SI: variants seen among roughly 807,000 people sequenced by gnomAD.
SI encodes the protein sucrase-isomaltase, also known as sucrase-isomaltase, intestinal.
In SI, 235 loss-of-function variants were observed where a neutral mutation model predicts 253.3. The observed-to-expected ratio is 0.93, with a 90% confidence interval of 0.83 to 1.03. The LOEUF (loss-of-function observed/expected upper bound fraction) is 1.03, where lower values mean the gene tolerates loss of function less well. Ranked by LOEUF, SI falls within the 50% of genes least tolerant of loss-of-function variation. The pLI, the probability that SI is intolerant of heterozygous loss-of-function variation, is 0.00. For synonymous variants in SI, 819 were observed against 712.0 expected (o/e 1.15, Z -2.39); for missense variants, 2,442 against 2,211.1 (o/e 1.10, Z -2.09).
upstream of SI, among the ~76,000 whole-genome samples, chr3:165,080,894 T>C (rs1461004578): frequency 6.6e-6 from 1 of 151,758 alleles, no homozygotes; most frequent in Non-Finnish European, 1.5e-5. Context: ...GAACTTAAAG[T>C]ATAATTTAAA....
intron 9 of SI, 70 bp downstream of exon 9, chr3:165,062,301 A>G (rs1714024411): frequency 1.3e-6 from 1 of 791,258 alleles, no homozygotes; most frequent in African/African-American, 1.7e-5. Flanking sequence ...AAAGTCATCT[A>G]AATATGTGGT....
rs752602017 is a variant in SI at position 165,059,150 on chromosome 3, G to T, written c.1278+18C>A. The T allele has an allele frequency of 1.2e-6, 2 of 1,611,766 alleles. No homozygotes were observed. Among genetic ancestry groups the T allele is most frequent in the South Asian group, 2.2e-5 (2 of 90,996 alleles). On this transcript the variant is annotated intron_variant, in intron 11 of 47. Coordinates refer to ENST00000264382, the MANE Select transcript of SI (RefSeq NM_001041.4). ...CGTGTAAACACTAAAAATGTATTAA[G>T]GTATAATTGATTATTACCAAGATGA...
In SI at chr3:165,038,026, TA is replaced by T; in HGVS notation, c.2302-3del. On this transcript the variant is annotated splice_region_variant and splice_polypyrimidine_tract_variant and intron_variant, in intron 20 of 47. Transcript: ENST00000264382. ...TTTCCTCCATGGCCTTTTTGCACCC[TA>T]ATAATTGGAAGATTAAAAACATTCT... 6.3e-7 allele frequency: 1 copy of T among 1,580,288 alleles called. No individual in the cohort carries two copies. The highest frequency in any genetic ancestry group is 1.3e-5 in the African/African-American group (1 of 74,304).
chr3:165,058,969 A>C lies in SI; in HGVS notation c.1392T>G (p.Ile464Met). 6.2e-7 allele frequency: 1 copy of C among 1,610,744 alleles called. No homozygotes were observed. Among genetic ancestry groups the C allele is most frequent in the Non-Finnish European group, 8.5e-7 (1 of 1,177,596 alleles). The part of the protein sequence containing the change: ...INESDGSTPI[I>M]GEVWPGLTVY... The stretch of plus-strand genomic sequence containing the variant: ...AATAAATATCATATTTTACCTCTCC[A>C]ATAATTGGTGTACTTCCATCTGACT... The change falls in exon 12 of 48, where the codon ATT becomes ATG. Residue 464 changes from isoleucine (I) to methionine (M), a missense_variant. Ile to Met is a conservative substitution (Grantham distance 10, BLOSUM62 1). Transcript: ENST00000264382.
intron 7 of SI, among the ~76,000 whole-genome samples, chr3:165,064,011 A>G (rs1231766927): frequency 6.6e-6 from 1 of 151,464 alleles, no homozygotes; most frequent in African/African-American, 2.4e-5. Context: ...CGGAGGTCGC[A>G]GTGATTTGAG....
chr3:165,008,029 A>C, intron 35 of SI, 31 bp from the exon 36 acceptor site: 1 of 1,172,362 alleles, frequency 8.5e-7, no homozygotes, highest in Non-Finnish European at 1.3e-6. Context: ...AAAGGTAAAC[A>C]AAAGATAAAT....
intron 6 of SI, among the ~76,000 whole-genome samples, 170 bp from the exon 7 acceptor site, chr3:165,065,602 T>A (rs967686084): frequency 6.7e-6 from 1 of 150,128 alleles, no homozygotes; most frequent in Non-Finnish European, 1.5e-5. Flanking sequence ...AATTACCCCA[T>A]AAAAGAAATT....
Position 165,033,449 on chromosome 3 carries a change from A to G in SI, c.2516-5T>C. The G allele has an allele frequency of 2.6e-6, 4 of 1,535,120 alleles. No individual in the cohort carries two copies. Among genetic ancestry groups the G allele is most frequent in the Non-Finnish European group, 3.5e-6 (4 of 1,136,702 alleles). On this transcript the variant is annotated splice_region_variant and splice_polypyrimidine_tract_variant and intron_variant, in intron 22 of 47. Transcript: ENST00000264382. The stretch of plus-strand genomic sequence containing the variant: ...AGTTGCCATTTTGTATTGTATCTGA[A>G]ATGAAAAATATCGTGATCAGTACAA...
chr3:165,084,572 T>C, the SI span, among the ~76,000 whole-genome samples: 1 of 151,952 alleles, frequency 6.6e-6, no homozygotes, highest in Non-Finnish European at 1.5e-5. Context: ...AAAATGAATG[T>C]CTGAGAATAT....
chr3:164,991,604 T>G (rs1449956306), intron 43 of SI, 127 bp from the exon 44 acceptor site: 15 of 1,007,952 alleles, frequency 1.5e-5, no homozygotes, highest in Non-Finnish European at 2.1e-5. Context: ...TTCACATTTA[T>G]TCAGAAAATC....
At chr3:165,065,209 CATCTGCTGCAAT>C in intron 7 of SI, 40 bp downstream of exon 7, 3 of 1,157,610 alleles carry the variant, frequency 2.6e-6, no homozygotes, top group Non-Finnish European at 3.9e-6. Flanking sequence ...CTAAGATTTT[CATCTGCTGCAAT>C]ATAGTGATTT....
At chr3:165,033,298 C>A in intron 23 of SI, 97 bp downstream of exon 23, 2 of 1,050,954 alleles carry the variant, frequency 1.9e-6, no homozygotes, top group Non-Finnish European at 2.6e-6. Context: ...AATCTGTAGG[C>A]AAATGTAAAC....
chr3:165,061,859 T>G (rs1482438164), intron 9 of SI, among the ~76,000 whole-genome samples: 1 of 151,962 alleles, frequency 6.6e-6, no homozygotes, highest in East Asian at 1.9e-4. Context: ...GATGTAAAGT[T>G]TCAGGCTAGG....
chr3:164,980,045 G>C (rs1031612049), intron 47 of SI, among the ~76,000 whole-genome samples: 1 of 151,678 alleles, frequency 6.6e-6, no homozygotes, highest in East Asian at 1.9e-4. Flanking sequence ...CTTTACCATT[G>C]CTCCTTTTTG....
At chr3:165,081,922 C>T (rs1715341550), upstream of SI, among the ~76,000 whole-genome samples, 1 of 151,940 alleles carries the variant, frequency 6.6e-6, no homozygotes, top group Non-Finnish European at 1.5e-5. Context: ...ATTGGAAAGA[C>T]CGATGGAGAG....
At position 165,017,627 on chromosome 3, in the gene SI, T is replaced by C. The variant is rs1216531324; in HGVS notation, c.3680A>G (p.Gln1227Arg). 1.2e-6 allele frequency: 2 copies of C among 1,612,848 alleles called. No individual in the cohort carries two copies. Among genetic ancestry groups the C allele is most frequent in the Non-Finnish European group, 1.7e-6 (2 of 1,179,140 alleles). ...VMPAYWALGF[Q>R]LCRYGYANTS... ...ATTTGCATATCCATAACGACATAAT[T>C]GGAATCCCAAAGCCCAATAAGCTGG... Residue 1227 changes from glutamine (Q) to arginine (R), a missense_variant, in exon 31 of 48, where the codon CAA becomes CGA. Coordinates refer to ENST00000264382, the MANE Select transcript of SI (RefSeq NM_001041.4).
chr3:165,040,804 T>C, intron 18 of SI, 136 bp downstream of exon 18: 1 of 678,432 alleles, frequency 1.5e-6, no homozygotes, highest in Non-Finnish European at 2.6e-6. Flanking sequence ...ATATAGCTCT[T>C]CAAATCATTT....
chr3:165,066,717 TA>T (rs1714267444), intron 6 of SI, among the ~76,000 whole-genome samples: 1 of 151,920 alleles, frequency 6.6e-6, no homozygotes, highest in Non-Finnish European at 1.5e-5. Flanking sequence ...ACATGGCATT[TA>T]ATATTTTTAT....
chr3:165,031,680 T>A (rs1284039351), intron 24 of SI, among the ~76,000 whole-genome samples: 2 of 150,586 alleles, frequency 1.3e-5, no homozygotes, highest in Non-Finnish European at 3.0e-5. Context: ...GTTCTATATC[T>A]TAAATAATTT....
Sources: gnomAD v4.1 joint callset for allele counts (sites outside exome capture counted in the v4.1 genomes callset) on GRCh38, gnomAD v4.1.1 for gene constraint, MANE v1.5 for transcripts, NCBI Gene and HGNC (gene_info 2026-07-23, HGNC 2026-07-21) for gene names.